Variants in PREX1 observed in about 807,000 individuals in gnomAD.
The protein encoded by PREX1 is phosphatidylinositol-3,4,5-trisphosphate dependent Rac exchange factor 1, also known as phosphatidylinositol 3,4,5-trisphosphate-dependent Rac exchanger 1 protein.
In PREX1, 41 loss-of-function variants were observed where a neutral mutation model predicts 198.3. That is an observed-to-expected ratio of 0.21 (90% CI 0.16 to 0.27). PREX1 has a LOEUF of 0.27. PREX1 is among the 10% of genes least tolerant of loss of function. The pLI, the probability that PREX1 is intolerant of heterozygous loss-of-function variation, is 1.00. For missense variants in PREX1, 1,620 were observed against 2,200.7 expected (o/e 0.74, Z 5.28); for synonymous variants, 843 against 887.2 (o/e 0.95, Z 0.89).
chr20:48,881,917 C>T, the PREX1 span, among the ~76,000 whole-genome samples: 2 of 151,386 alleles, frequency 1.3e-5, no homozygotes, highest in Admixed American at 1.3e-4. Context: ...CTCCTTTCCC[C>T]ACCCCCACCC....
At chr20:48,797,544 C>G (rs994773732) in intron 1 of PREX1, among the ~76,000 whole-genome samples, 1 of 152,074 alleles carries the variant, frequency 6.6e-6, no homozygotes. Flanking sequence ...CCCATCCCCC[C>G]AAAAAAGAGG....
the PREX1 span, among the ~76,000 whole-genome samples, chr20:48,866,115 A>G: frequency 1.3e-5 from 2 of 152,140 alleles, no homozygotes; most frequent in African/African-American, 4.8e-5. Flanking sequence ...TACCTGGCTA[A>G]TTATTAAAGT....
At chr20:48,632,209 C>G (rs1247249398) in intron 35 of PREX1, 68 bp downstream of exon 35, 6 of 1,483,308 alleles carry the variant, frequency 4.0e-6, no homozygotes, top group Non-Finnish European at 5.6e-6. Context: ...TGGCACCTTC[C>G]ATGCTAATGC....
intron 1 of PREX1, among the ~76,000 whole-genome samples, chr20:48,814,145 G>A (rs2090449080): frequency 6.6e-6 from 1 of 152,238 alleles, no homozygotes; most frequent in African/African-American, 2.4e-5. Context: ...ACACAGTCAT[G>A]GCCAGGAAGG....
chr20:48,847,811 T>A, the PREX1 span, among the ~76,000 whole-genome samples: 1 of 152,178 alleles, frequency 6.6e-6, no homozygotes, highest in African/African-American at 2.4e-5. Context: ...TCAGCCCCCA[T>A]CCTTCTGATT....
chr20:48,834,176 C>T, the PREX1 span, among the ~76,000 whole-genome samples: 2 of 151,776 alleles, frequency 1.3e-5, no homozygotes, highest in African/African-American at 2.4e-5. Flanking sequence ...AGGTTTATAA[C>T]GTGAAGGCTG....
chr20:48,741,147 T>C (rs556217846), intron 3 of PREX1, among the ~76,000 whole-genome samples: 1 of 152,178 alleles, frequency 6.6e-6, no homozygotes, highest in East Asian at 1.9e-4. Flanking sequence ...ATTAAACAAA[T>C]AATAATACAA....
At chr20:48,776,090 A>G (rs1245559166) in intron 1 of PREX1, among the ~76,000 whole-genome samples, 1 of 152,022 alleles carries the variant, frequency 6.6e-6, no homozygotes, top group Admixed American at 6.6e-5. Flanking sequence ...GAGCACAGTG[A>G]CCTTTCCCCT....
intron 1 of PREX1, among the ~76,000 whole-genome samples, chr20:48,755,718 A>C (rs898378693): frequency 2.0e-5 from 3 of 152,192 alleles, no homozygotes; most frequent in African/African-American, 7.2e-5. Flanking sequence ...TAATTACAGA[A>C]TAAGGAAATA....
chr20:48,885,068 T>G, the PREX1 span, among the ~76,000 whole-genome samples: 1 of 152,258 alleles, frequency 6.6e-6, no homozygotes, highest in East Asian at 1.9e-4. Context: ...TTATCTCATC[T>G]ATAAAATGGG....
chr20:48,627,793 C>A lies in PREX1; in HGVS notation c.4869+68G>T, dbSNP rs1017332519. On this transcript the variant is annotated intron_variant, in intron 38 of 39. Coordinates refer to ENST00000371941, the MANE Select transcript of PREX1 (RefSeq NM_020820.4). ...TGGTGGCTACCAGCCCCTCATCCCA[C>A]CCTGGCTGCAAGCATGCCACGCCCT... 9.4e-6 allele frequency: 14 copies of A among 1,496,850 alleles called. No individual in the cohort carries two copies. In the African/African-American group the frequency reaches 1.5e-4, roughly 16 times the overall value. 92.7% of individuals were successfully genotyped at this position (1,496,850 alleles called of 1,614,324 possible). A position where few individuals can be genotyped will look rare whatever the true frequency, so the allele number is the denominator to read the frequency against.
the PREX1 span, among the ~76,000 whole-genome samples, chr20:48,862,543 C>T: frequency 6.6e-6 from 1 of 151,974 alleles, no homozygotes; most frequent in South Asian, 2.1e-4. Context: ...TTAGCTTTCT[C>T]ATCTCTCATC....
the PREX1 span, among the ~76,000 whole-genome samples, chr20:48,887,204 C>T: frequency 4.6e-5 from 7 of 152,166 alleles, no homozygotes; most frequent in Admixed American, 1.3e-4. Flanking sequence ...TACATACCTC[C>T]GTGCCTCAGT....
chr20:48,827,673 TC>T lies in PREX1; in HGVS notation c.187del (p.Asp63ThrfsTer74). On this transcript the variant is annotated frameshift_variant, in exon 1 of 40. Coordinates refer to ENST00000371941, the MANE Select transcript of PREX1 (RefSeq NM_020820.4). LOFTEE classifies it high-confidence loss of function. The surrounding 1 kb of genome is among the most constrained non-coding windows in gnomAD (Gnocchi z 4.1). ...CAAGAAGCGCAAGGTGCCCACGTAG[TC>T]CCTCTCGGTGCCCAAGATCTCGTTG... ...VLNEILGTER[D>X]YVGTLRFLQS... 1 of 1,356,354 alleles carries T rather than the reference TC, an allele frequency of 7.4e-7. No homozygotes were observed. Among genetic ancestry groups the T allele is most frequent in the Non-Finnish European group, 9.6e-7 (1 of 1,042,502 alleles). 84.0% of individuals were successfully genotyped at this position (1,356,354 alleles called of 1,614,324 possible).
intron 29 of PREX1, among the ~76,000 whole-genome samples, chr20:48,640,203 G>A (rs1432821384): frequency 6.6e-6 from 1 of 152,188 alleles, no homozygotes; most frequent in Non-Finnish European, 1.5e-5. Flanking sequence ...TTTCGTCTAA[G>A]CCTGGATGTT....
chr20:48,689,497 G>A (rs1354958355), intron 9 of PREX1, among the ~76,000 whole-genome samples: 1 of 152,144 alleles, frequency 6.6e-6, no homozygotes, highest in South Asian at 2.1e-4. Flanking sequence ...CCATATTCGT[G>A]CTCGTGACCA....
intron 5 of PREX1, among the ~76,000 whole-genome samples, chr20:48,712,553 C>T (rs2089936860): frequency 6.6e-6 from 1 of 152,180 alleles, no homozygotes; most frequent in Non-Finnish European, 1.5e-5. Context: ...CTGCCAACAC[C>T]CAGTAGTTAG....
chr20:48,841,960 A>T, the PREX1 span, among the ~76,000 whole-genome samples: 48 of 152,220 alleles, frequency 3.2e-4, no homozygotes, highest in Non-Finnish European at 1.0e-4. Flanking sequence ...TTTCATTCCC[A>T]GTATTTTTAT....
At chr20:48,626,433 T>A (rs6095216) in intron 39 of PREX1, among the ~76,000 whole-genome samples, 3 of 152,068 alleles carry the variant, frequency 2.0e-5, no homozygotes, top group Non-Finnish European at 4.4e-5. Flanking sequence ...TCCCAGCTTT[T>A]CCATTTACTA....
Sources: allele counts gnomAD v4.1 joint callset (sites outside exome capture counted in the v4.1 genomes callset), GRCh38; gene constraint gnomAD v4.1.1; non-coding constraint Gnocchi (gnomAD v3.1); transcripts MANE v1.5; gene names NCBI Gene and HGNC (gene_info 2026-07-23, HGNC 2026-07-21).